Variants in ZNF318 observed in about 807,000 individuals in gnomAD.
The protein encoded by ZNF318 is zinc finger protein 318, also known as endocrine regulator.
Under a neutral mutation model 124.2 loss-of-function variants are expected in ZNF318, and 51 were observed. The ratio of observed to expected loss-of-function variants is 0.41; its 90% CI spans 0.33 to 0.52. The LOEUF is 0.52. Among genes scored for constraint, ZNF318 ranks in the 20% least tolerant of loss-of-function variants. The pLI is 0.23. For synonymous variants in ZNF318, 1,090 were observed against 1,040.7 expected (o/e 1.05, Z -0.91); for missense variants, 2,815 against 2,811.2 (o/e 1.00, Z -0.03).
chr6:43,368,765 A>C, intron 1 of ZNF318: 1 of 985,424 alleles, frequency 1.0e-6, no homozygotes, highest in Non-Finnish European at 1.2e-6. Context: ...TCCCGACGAG[A>C]CGCCCGTGCG....
At chr6:43,359,059 T>C (rs1339265459) in intron 2 of ZNF318, among the ~76,000 whole-genome samples, 1 of 152,204 alleles carries the variant, frequency 6.6e-6, no homozygotes, top group Admixed American at 6.5e-5. Flanking sequence ...TATGGTAACT[T>C]TTAAAAAAAC....
chr6:43,337,256 G>C lies in ZNF318; in HGVS notation c.6742C>G (p.Gln2248Glu). Residue 2248 changes from glutamine (Q) to glutamate (E), a missense_variant, in exon 10 of 10, where the codon CAG becomes GAG. Gln to Glu is a conservative substitution (Grantham distance 29). Around this residue, in one of 4 missense-constraint regions of ZNF318, gnomAD observed 927 missense variants for 820.6 expected, o/e 1.13. Coordinates refer to ENST00000361428, the MANE Select transcript of ZNF318 (RefSeq NM_014345.3). ...GGGACCATATTGTCTTCAATTACCT[G>C]CTCCCTTGGAGGGGACCTTGACACT... ...APVSRSPPREQVIEDNMVPQG... is the reference protein window; with the variant it reads ...APVSRSPPREEVIEDNMVPQG... 1.9e-6 allele frequency: 3 copies of C among 1,614,138 alleles called. No homozygotes were observed. The highest frequency in any genetic ancestry group is 2.5e-6 in the Non-Finnish European group (3 of 1,180,018).
chr6:43,358,187 A>G (rs924110340), intron 2 of ZNF318, among the ~76,000 whole-genome samples: 1 of 152,206 alleles, frequency 6.6e-6, no homozygotes, highest in Non-Finnish European at 1.5e-5. Flanking sequence ...CATTTTAACA[A>G]GATCTCCAGG....
chr6:43,343,829 A>C (rs1335278487), intron 6 of ZNF318, among the ~76,000 whole-genome samples: 1 of 3,832 alleles, frequency 2.6e-4, no homozygotes, highest in Non-Finnish European at 5.1e-4. Flanking sequence ...CCCTGTCTCA[A>C]AAAAAAAAAA....
chr6:43,361,237 C>T (rs1779678423), intron 2 of ZNF318, among the ~76,000 whole-genome samples: 1 of 152,094 alleles, frequency 6.6e-6, no homozygotes, highest in Admixed American at 6.5e-5. Flanking sequence ...GGAAAAAAAT[C>T]CCACTCCTTC....
In ZNF318 at chr6:43,365,369, G is replaced by A; in HGVS notation, c.471C>T (p.Phe157=). 1 of 1,614,214 alleles carries A rather than the reference G, an allele frequency of 6.2e-7. No individual in the cohort carries two copies. The highest frequency in any genetic ancestry group is 8.5e-7 in the Non-Finnish European group (1 of 1,180,044). The change falls in exon 2 of 10, where the codon TTC becomes TTT. Residue 157 remains phenylalanine, a synonymous_variant. Coordinates refer to ENST00000361428, the MANE Select transcript of ZNF318 (RefSeq NM_014345.3). ...GTCGCCGTTCTGGTGTGCTAACACA[G>A]AAGTGGTCATTGCCAACAGTGATCC... is the stretch of plus-strand genomic sequence containing the variant. ...SLRITVGNDH[F]CVSTPERRRL...
intron 6 of ZNF318, among the ~76,000 whole-genome samples, chr6:43,345,173 A>G (rs554577987): frequency 6.7e-6 from 1 of 150,276 alleles, no homozygotes; most frequent in East Asian, 2.0e-4. Flanking sequence ...CTTGGACCTG[A>G]GAGTTGGAGG....
rs535172576 is a variant in ZNF318, at chr6:43,339,558, T to C, written c.4440A>G (p.Pro1480=). The C allele has an allele frequency of 5.0e-6, 8 of 1,609,534 alleles. No homozygotes were observed. In the South Asian group the frequency reaches 6.6e-5, roughly 13 times the overall value. Residue 1480 remains proline (P), a synonymous_variant, in exon 10 of 10, where the codon CCA becomes CCG. Transcript: ENST00000361428. The surrounding 1 kb of genome is among the most constrained non-coding windows in gnomAD (Gnocchi z 4.2). The part of the protein sequence containing the change: ...NAILAPVKSN[P]VVSQTLSPGF... Reference sequence around the variant, plus strand: ...CAGGGCTGAGAGTCTGAGATACAACTGGGTTTGATTTTACTGGAGCCAAGA... The same window carrying C: ...CAGGGCTGAGAGTCTGAGATACAACCGGGTTTGATTTTACTGGAGCCAAGA...
Position 43,357,113 on chromosome 6 carries a change from A to G in ZNF318, c.1188+13T>C, listed in dbSNP as rs1349500078. The G allele has an allele frequency of 5.6e-6, 9 of 1,596,760 alleles. No individual in the cohort carries two copies. The South Asian group carries it at 1.0e-4, about 18-fold the overall frequency. On this transcript the variant is annotated intron_variant, in intron 3 of 9. Transcript: ENST00000361428. ...AGACTAGCAAGAGGCCCTACAAGAAATGCAGCAGAGACCTGCATGGAGGGC... is the reference window on the plus strand; with the variant it reads ...AGACTAGCAAGAGGCCCTACAAGAAGTGCAGCAGAGACCTGCATGGAGGGC...
At chr6:43,341,349 G>GT (rs1308913746) in intron 8 of ZNF318, among the ~76,000 whole-genome samples, 1 of 152,160 alleles carries the variant, frequency 6.6e-6, no homozygotes, top group African/African-American at 2.4e-5. Flanking sequence ...ACTTGTGAAG[G>GT]TAAGAAATTG....
chr6:43,339,348 G>C lies in ZNF318; in HGVS notation c.4650C>G (p.Ala1550=), dbSNP rs1418364217. 1.2e-6 allele frequency: 2 copies of C among 1,614,110 alleles called. No individual in the cohort carries two copies. Among genetic ancestry groups the C allele is most frequent in the South Asian group, 2.2e-5 (2 of 91,082 alleles). ...PPLSSVFSEQ[A]KKLEKRNSCL... is the part of the protein sequence containing the mutation. Reference sequence around the variant, plus strand: ...ATGAATTTCGCTTCTCTAATTTTTTGGCTTGTTCACTGAACACACTTGAGA... The same window carrying C: ...ATGAATTTCGCTTCTCTAATTTTTTCGCTTGTTCACTGAACACACTTGAGA... Residue 1550 remains alanine, a synonymous_variant, in exon 10 of 10, where the codon GCC becomes GCG. Transcript: ENST00000361428. The surrounding 1 kb of genome is among the most constrained non-coding windows in gnomAD (Gnocchi z 4.2).
chr6:43,365,417 A>G lies in ZNF318; in HGVS notation c.423T>C (p.Ser141=), dbSNP rs1299481714. ...GSRRRSPGLC[S]DSLEKSLRIT... ...TCCTTAAGCTCTTTTCCAAAGAGTCAGAACACAGACCAGGAGAGCGTCTCT... is the reference window on the plus strand; with the variant it reads ...TCCTTAAGCTCTTTTCCAAAGAGTCGGAACACAGACCAGGAGAGCGTCTCT... Residue 141 remains serine (S), a synonymous_variant, in exon 2 of 10, where the codon TCT becomes TCC. Transcript: ENST00000361428. The G allele has an allele frequency of 6.2e-7, 1 of 1,614,054 alleles. No homozygotes were observed. Among genetic ancestry groups the G allele is most frequent in the Non-Finnish European group, 8.5e-7 (1 of 1,179,980 alleles).
rs747820722 is a variant in ZNF318 at position 43,368,941 on chromosome 6, G to C, written c.399+26C>G. 5 of 1,365,078 alleles carry C rather than the reference G, an allele frequency of 3.7e-6. No homozygotes were observed. In the South Asian group the frequency reaches 6.4e-5, roughly 18 times the overall value. 84.6% of individuals were successfully genotyped at this position (1,365,078 alleles called of 1,614,324 possible). On this transcript the variant is annotated intron_variant, in intron 1 of 9. Coordinates refer to ENST00000361428, the MANE Select transcript of ZNF318 (RefSeq NM_014345.3). Reference sequence around the variant, plus strand: ...GGGGGAGGGGACTGGGGGATGGAGGGAGTCCTGGACGAGGGGTGGGATTAC... The same window carrying C: ...GGGGGAGGGGACTGGGGGATGGAGGCAGTCCTGGACGAGGGGTGGGATTAC...
At chr6:43,367,863 A>G (rs1315407067) in intron 1 of ZNF318, among the ~76,000 whole-genome samples, 1 of 152,206 alleles carries the variant, frequency 6.6e-6, no homozygotes, top group East Asian at 1.9e-4. Context: ...CTTTGTTACT[A>G]AGTTTAAAAA....
intron 1 of ZNF318, among the ~76,000 whole-genome samples, chr6:43,367,246 A>G (rs1161742266): frequency 6.6e-6 from 1 of 152,228 alleles, no homozygotes; most frequent in African/African-American, 2.4e-5. Context: ...TCCCTGCTAG[A>G]ATATTAACTC....
intron 4 of ZNF318, among the ~76,000 whole-genome samples, chr6:43,354,104 TAC>T (rs376470195): frequency 1.3e-5 from 2 of 150,356 alleles, no homozygotes; most frequent in Non-Finnish European, 3.0e-5. Flanking sequence ...TACACACACA[TAC>T]ACACACACAC....
chr6:43,359,339 G>T (rs549934210), intron 2 of ZNF318, among the ~76,000 whole-genome samples: 86 of 152,288 alleles, frequency 5.6e-4, no homozygotes, highest in African/African-American at 1.9e-3. Context: ...GGATGGGACA[G>T]CTATTCTTTT....
intron 2 of ZNF318, among the ~76,000 whole-genome samples, chr6:43,358,414 A>ATTTTTTTTTTTT (rs71547834): frequency 3.2e-5 from 4 of 124,744 alleles, no homozygotes; most frequent in East Asian, 4.6e-4. Context: ...CACCCGGCTA[A>ATTTTTTTTTTTT]TTTTTTTTTT....
In ZNF318 at chr6:43,338,925, T is replaced by C. The variant is rs1161686703; in HGVS notation, c.5073A>G (p.Pro1691=). ...CQSRPYETIT[P]KTDTLAIWTS... ...TCCATATGGCCAAAGTGTCTGTCTT[T>C]GGGGTAATTGTTTCATAAGGCCTGC... The change falls in exon 10 of 10, where the codon CCA becomes CCG. Residue 1691 remains proline, a synonymous_variant. Coordinates refer to ENST00000361428, the MANE Select transcript of ZNF318 (RefSeq NM_014345.3). 1.2e-6 allele frequency: 2 copies of C among 1,614,138 alleles called. No individual in the cohort carries two copies. Among genetic ancestry groups the C allele is most frequent in the Non-Finnish European group, 1.7e-6 (2 of 1,180,024 alleles).
Sources: gnomAD v4.1 joint callset for allele counts (sites outside exome capture counted in the v4.1 genomes callset) on GRCh38, gnomAD v4.1.1 for gene constraint, gnomAD v4.1.1 regional missense constraint, Gnocchi (gnomAD v3.1) non-coding constraint, MANE v1.5 for transcripts, NCBI Gene and HGNC (gene_info 2026-07-23, HGNC 2026-07-21) for gene names.